SLC24A2: variants seen among roughly 807,000 people sequenced by gnomAD.
SLC24A2 encodes the protein sodium/potassium/calcium exchanger 2.
Under a neutral mutation model 62.0 loss-of-function variants are expected in SLC24A2, and 36 were observed. That is an observed-to-expected ratio of 0.58 (90% CI 0.44 to 0.77). The LOEUF is 0.77. SLC24A2 is among the 30% of genes least tolerant of loss of function. SLC24A2 has a pLI of 0.00. For synonymous variants in SLC24A2, 358 were observed against 294.0 expected (o/e 1.22, Z -2.23); for missense variants, 846 against 817.9 (o/e 1.03, Z -0.42).
the SLC24A2 span, among the ~76,000 whole-genome samples, chr9:20,243,310 C>G: frequency 6.6e-6 from 1 of 152,138 alleles, no homozygotes; most frequent in Non-Finnish European, 1.5e-5. Context: ...CTATCATAAT[C>G]AGAAAAACAC....
At chr9:19,519,706 C>CA (rs1833099471) in intron 10 of SLC24A2, among the ~76,000 whole-genome samples, 1 of 152,118 alleles carries the variant, frequency 6.6e-6, no homozygotes, top group African/African-American at 2.4e-5. Context: ...GATGTACAGA[C>CA]AGTTTTTAGG....
chr9:19,922,872 CATTAG>C, the SLC24A2 span, among the ~76,000 whole-genome samples: 40 of 151,840 alleles, frequency 2.6e-4, no homozygotes, highest in Non-Finnish European at 5.3e-4. Flanking sequence ...CCATAAAACA[CATTAG>C]ATATTAACTT....
intron 7 of SLC24A2, among the ~76,000 whole-genome samples, chr9:19,565,537 T>A (rs1389847286): frequency 6.6e-6 from 1 of 151,576 alleles, no homozygotes; most frequent in African/African-American, 2.4e-5. Flanking sequence ...ATGGCCACAC[T>A]GCCCAAGGTA....
chr9:20,012,382 C>T, the SLC24A2 span, among the ~76,000 whole-genome samples: 2 of 152,068 alleles, frequency 1.3e-5, no homozygotes, highest in East Asian at 1.9e-4. Flanking sequence ...ATGAGAACAG[C>T]GCAGGAAAGA....
intron 1 of SLC24A2, chr9:19,788,665 C>T (rs936178199): frequency 4.1e-6 from 4 of 985,274 alleles, no homozygotes; most frequent in East Asian, 2.3e-4. Context: ...CCACGCCCCC[C>T]ATCCCAAGCC....
the SLC24A2 span, among the ~76,000 whole-genome samples, chr9:20,164,552 C>A: frequency 1.3e-4 from 20 of 150,130 alleles, no homozygotes; most frequent in Non-Finnish European, 2.7e-4. Flanking sequence ...TAAACTAGTT[C>A]AACCATTGTG....
the SLC24A2 span, among the ~76,000 whole-genome samples, chr9:20,283,947 C>T: frequency 6.6e-6 from 1 of 152,160 alleles, no homozygotes; most frequent in Non-Finnish European, 1.5e-5. Flanking sequence ...GAATGTCATA[C>T]TTCACCATTT....
At chr9:19,763,300 C>T (rs1238623191) in intron 2 of SLC24A2, among the ~76,000 whole-genome samples, 2 of 152,154 alleles carry the variant, frequency 1.3e-5, no homozygotes, top group African/African-American at 4.8e-5. Flanking sequence ...TATTTGAATA[C>T]CCTTTGTTTC....
the SLC24A2 span, among the ~76,000 whole-genome samples, chr9:19,932,095 GAAAC>G: frequency 3.9e-5 from 6 of 152,012 alleles, no homozygotes; most frequent in South Asian, 2.1e-4. Context: ...TGAGCGTATT[GAAAC>G]AAACAAATAC....
chr9:19,718,602 C>A (rs183922393), intron 2 of SLC24A2, among the ~76,000 whole-genome samples: 47 of 152,094 alleles, frequency 3.1e-4, no homozygotes, highest in Non-Finnish European at 1.0e-4. Context: ...TGAGCCACTG[C>A]GCCCAGCCAA....
At chr9:20,296,659 C>T in the SLC24A2 span, among the ~76,000 whole-genome samples, 2 of 152,226 alleles carry the variant, frequency 1.3e-5, no homozygotes, top group African/African-American at 4.8e-5. Context: ...ACTGCATATG[C>T]AGTGGTGACC....
chr9:19,517,913 ACAC>A (rs1261840231), intron 10 of SLC24A2, among the ~76,000 whole-genome samples: 4 of 15,280 alleles, frequency 2.6e-4, no homozygotes, highest in Non-Finnish European at 6.0e-4. Flanking sequence ...TTATTAAAAC[ACAC>A]ACACACACAC....
chr9:20,286,941 T>G, the SLC24A2 span, among the ~76,000 whole-genome samples: 1 of 152,172 alleles, frequency 6.6e-6, no homozygotes. Flanking sequence ...ATTATAAGGA[T>G]GTAGATGTAG....
In SLC24A2 at chr9:19,512,100, C is replaced by T. The variant is rs1384051551; in HGVS notation, c.*4053G>A. ...GTCTGGGGGTGGGCTCCCTTTGTAG[C>T]TCATCTCTTCTCTCACTGTTCCAGA... On this transcript the variant is annotated 3_prime_UTR_variant, in exon 11 of 11. Transcript: ENST00000341998. The T allele has an allele frequency of 6.6e-6, 1 of 152,258 alleles. No homozygotes were observed. Among genetic ancestry groups the T allele is most frequent in the African/African-American group, 2.4e-5 (1 of 41,452 alleles). The allele number at this position is 152,258 out of a possible 1,614,324, so 9.4% of individuals were successfully genotyped here.
the SLC24A2 span, among the ~76,000 whole-genome samples, chr9:20,234,332 G>C: frequency 6.6e-6 from 1 of 152,152 alleles, no homozygotes; most frequent in African/African-American, 2.4e-5. Flanking sequence ...TTTCCAACTT[G>C]GTTCCATTCT....
At chr9:19,711,514 A>T (rs1448877114) in intron 2 of SLC24A2, among the ~76,000 whole-genome samples, 4 of 152,174 alleles carry the variant, frequency 2.6e-5, no homozygotes, top group Non-Finnish European at 5.9e-5. Context: ...GTGAGGATAA[A>T]CTCTACTGAT....
At chr9:19,917,728 A>G in the SLC24A2 span, among the ~76,000 whole-genome samples, 6,698 of 152,034 alleles carry the variant, frequency 0.044, 250 homozygotes, top group East Asian at 0.21. Context: ...TCTCATATCT[A>G]TATCTTGATA....
rs145512747 is a variant in SLC24A2, at chr9:19,786,522, G to A, written c.345C>T (p.His115=). 82 of 1,614,058 alleles carry A rather than the reference G, an allele frequency of 5.1e-5. No individual in the cohort carries two copies. In the South Asian group the frequency reaches 6.5e-4, roughly 13 times the overall value. ...KEGESENSTD[H]AQGDYPKDIF... ...TGTCTTTCGGGTAGTCTCCTTGGGC[G>A]TGATCTGTACTATTCTCAGACTCGC... Residue 115 remains histidine (H), a synonymous_variant, in exon 2 of 11, where the codon CAC becomes CAT. Transcript: ENST00000341998. The surrounding 1 kb of genome is among the most constrained non-coding windows in gnomAD (Gnocchi z 5.0).
chr9:19,518,118 A>C (rs1833024294), intron 10 of SLC24A2, among the ~76,000 whole-genome samples: 2 of 152,206 alleles, frequency 1.3e-5, no homozygotes, highest in South Asian at 4.1e-4. Context: ...TTTACTCAGA[A>C]AATGATCATT....
Sources: gnomAD v4.1 joint callset for allele counts (sites outside exome capture counted in the v4.1 genomes callset) on GRCh38, gnomAD v4.1.1 for gene constraint, Gnocchi (gnomAD v3.1) non-coding constraint, MANE v1.5 for transcripts, NCBI Gene and HGNC (gene_info 2026-07-23, HGNC 2026-07-21) for gene names.